Variants in LRRC28 observed in about 807,000 individuals in gnomAD.
LRRC28 encodes leucine rich repeat containing 28.
In LRRC28, 39 loss-of-function variants were observed where a neutral mutation model predicts 45.7. That is an observed-to-expected ratio of 0.85 (90% CI 0.66 to 1.12). The LOEUF (loss-of-function observed/expected upper bound fraction) is 1.12, where lower values mean the gene tolerates loss of function less well. Among genes scored for constraint, LRRC28 ranks in the 50% most tolerant of loss-of-function variants. The pLI is 0.00. For synonymous variants in LRRC28, 206 were observed against 178.8 expected (o/e 1.15, Z -1.22); for missense variants, 435 against 438.5 (o/e 0.99, Z 0.07).
intron 9 of LRRC28, among the ~76,000 whole-genome samples, chr15:99,378,668 C>T (rs968702214): frequency 1.3e-5 from 2 of 152,132 alleles, no homozygotes; most frequent in African/African-American, 4.8e-5. Flanking sequence ...ATGATATTGG[C>T]TGTGGGTTTG....
chr15:99,361,025 A>G (rs562653347), intron 7 of LRRC28: 53 of 194,170 alleles, frequency 2.7e-4, no homozygotes, highest in Non-Finnish European at 5.1e-4. Flanking sequence ...AGAGGGTAAT[A>G]AAATTGGGAA....
intron 5 of LRRC28, among the ~76,000 whole-genome samples, chr15:99,292,932 G>A (rs1443057658): frequency 6.6e-6 from 1 of 152,168 alleles, no homozygotes; most frequent in East Asian, 1.9e-4. Flanking sequence ...TGAGAGTGAT[G>A]ATCTCTTTGG....
At chr15:99,258,364 CCTTGT>C in intron 2 of LRRC28, 1 of 1,246,974 alleles carries the variant, frequency 8.0e-7, no homozygotes, top group Non-Finnish European at 1.2e-6. Flanking sequence ...CGACCATTAC[CCTTGT>C]CTTAAAAGAA....
At chr15:99,383,766 CAGG>C (rs909068932) in intron 9 of LRRC28, among the ~76,000 whole-genome samples, 1 of 152,132 alleles carries the variant, frequency 6.6e-6, no homozygotes, top group African/African-American at 2.4e-5. Flanking sequence ...TGGAGATTTT[CAGG>C]AGGTGGCTGA....
chr15:99,307,419 G>T (rs1057395574), intron 5 of LRRC28, among the ~76,000 whole-genome samples: 1 of 152,310 alleles, frequency 6.6e-6, no homozygotes, highest in East Asian at 1.9e-4. Context: ...AACTGAAGTG[G>T]TCAGAACATT....
Position 99,385,749 on chromosome 15 carries a change from T to G in LRRC28, c.1032-281T>G, listed in dbSNP as rs537661543. Among the ~76,000 whole-genome samples the G allele has an allele frequency of 1.3e-3, 201 of 152,142 alleles. 1 individual carries two copies. The highest frequency in any genetic ancestry group is 4.6e-3 in the African/African-American group (189 of 41,508). ...ACGTAATGTGGAAAAGGCATTTGTT[T>G]TTTTTTTTTTTCTTAGTTTCTACTT... is the stretch of plus-strand genomic sequence containing the variant. On this transcript the variant is annotated intron_variant, in intron 9 of 9. Transcript: ENST00000301981.
intron 5 of LRRC28, among the ~76,000 whole-genome samples, chr15:99,324,656 A>C (rs1197211490): frequency 6.6e-6 from 1 of 152,236 alleles, no homozygotes; most frequent in African/African-American, 2.4e-5. Flanking sequence ...CTAAGTAATT[A>C]CTATGTGGCA....
intron 6 of LRRC28, among the ~76,000 whole-genome samples, chr15:99,340,583 C>T (rs1956474211): frequency 6.6e-6 from 1 of 152,190 alleles, no homozygotes; most frequent in Non-Finnish European, 1.5e-5. Flanking sequence ...GAATGTATTT[C>T]ATCTGCAGTT....
rs1016435218 is a variant in LRRC28 at position 99,268,240 on chromosome 15, G to A, written c.169-8336G>A. Among the ~76,000 whole-genome samples, 7 of 152,264 alleles carry A rather than the reference G, an allele frequency of 4.6e-5. No individual in the cohort carries two copies. In the South Asian group the frequency reaches 1.2e-3, roughly 27 times the overall value. ...TAATTTTTGTAAAGTCTGTGTCTGA[G>A]TTTTCCTGTGAATAAAAGTCTAGCT... On this transcript the variant is annotated intron_variant, in intron 2 of 9. Transcript: ENST00000301981.
intron 3 of LRRC28, among the ~76,000 whole-genome samples, chr15:99,283,977 T>TTA (rs1165580874): frequency 6.6e-6 from 1 of 152,248 alleles, no homozygotes; most frequent in Non-Finnish European, 1.5e-5. Flanking sequence ...CATTTAACTC[T>TTA]TACCAGGAGC....
intron 5 of LRRC28, among the ~76,000 whole-genome samples, chr15:99,304,128 C>T (rs1336338337): frequency 6.6e-6 from 1 of 152,152 alleles, no homozygotes; most frequent in Non-Finnish European, 1.5e-5. Context: ...GGAATACAGC[C>T]ATGTCCATTC....
chr15:99,333,096 A>G (rs1349577304), intron 5 of LRRC28, among the ~76,000 whole-genome samples: 2 of 152,186 alleles, frequency 1.3e-5, no homozygotes, highest in Non-Finnish European at 2.9e-5. Context: ...CCTGGGAAAC[A>G]GTAAATGTCC....
intron 3 of LRRC28, 123 bp downstream of exon 3, chr15:99,276,739 C>G (rs1250338551): frequency 1.5e-5 from 10 of 668,684 alleles, no homozygotes; most frequent in Non-Finnish European, 2.3e-5. Flanking sequence ...GATCATGGTA[C>G]TCATGTAGGT....
At chr15:99,357,451 C>CAAA (rs1957078786) in intron 7 of LRRC28, among the ~76,000 whole-genome samples, 1 of 152,156 alleles carries the variant, frequency 6.6e-6, no homozygotes, top group Non-Finnish European at 1.5e-5. Context: ...GGATGAATTC[C>CAAA]AGAAGTATAA....
chr15:99,364,460 C>G (rs1420684161), intron 9 of LRRC28, among the ~76,000 whole-genome samples: 1 of 152,142 alleles, frequency 6.6e-6, no homozygotes, highest in East Asian at 1.9e-4. Context: ...TACAGGAGCC[C>G]TCCTCCAAAT....
chr15:99,372,718 C>T (rs746475284), intron 9 of LRRC28, among the ~76,000 whole-genome samples: 4 of 152,078 alleles, frequency 2.6e-5, no homozygotes, highest in Non-Finnish European at 5.9e-5. Flanking sequence ...GTGTAAATCC[C>T]GTATCTTCAT....
intron 2 of LRRC28, chr15:99,258,915 A>G (rs1330131627): frequency 2.8e-6 from 2 of 722,510 alleles, no homozygotes; most frequent in Non-Finnish European, 5.2e-6. Context: ...AATTTTGTCA[A>G]GGGTGTGGTG....
intron 2 of LRRC28, among the ~76,000 whole-genome samples, chr15:99,266,471 TAA>T (rs35838795): frequency 2.1e-5 from 3 of 146,006 alleles, no homozygotes; most frequent in Non-Finnish European, 3.0e-5. Context: ...AGACCTTGTC[TAA>T]AAAAAAAAAA....
At chr15:99,320,192 T>C (rs1955745628) in intron 5 of LRRC28, among the ~76,000 whole-genome samples, 1 of 152,216 alleles carries the variant, frequency 6.6e-6, no homozygotes, top group South Asian at 2.1e-4. Flanking sequence ...TGTTAATTGC[T>C]AATATAATTT....
Sources: gnomAD v4.1 joint callset for allele counts (sites outside exome capture counted in the v4.1 genomes callset) on GRCh38, gnomAD v4.1.1 for gene constraint, MANE v1.5 for transcripts, NCBI Gene and HGNC (gene_info 2026-07-23, HGNC 2026-07-21) for gene names.